PCBP3: variants seen among roughly 807,000 people sequenced by gnomAD.
PCBP3 encodes the protein poly(rC)-binding protein 3.
In PCBP3, 25 loss-of-function variants were observed where a neutral mutation model predicts 52.7. That is an observed-to-expected ratio of 0.47 (90% CI 0.35 to 0.66). PCBP3 has a LOEUF of 0.66. PCBP3 is among the 30% of genes least tolerant of loss of function. PCBP3 has a pLI of 0.01. For missense variants in PCBP3, 391 were observed against 490.3 expected (o/e 0.80, Z 1.91); for synonymous variants, 162 against 183.0 (o/e 0.89, Z 0.93).
At chr21:45,906,398 C>T (rs1039957862) in intron 9 of PCBP3, among the ~76,000 whole-genome samples, 4 of 139,872 alleles carry the variant, frequency 2.9e-5, no homozygotes, top group African/African-American at 7.8e-5. Context: ...GGGTAGGAGC[C>T]GTAGGGGTGG....
intron 4 of PCBP3, among the ~76,000 whole-genome samples, chr21:45,810,150 G>A (rs1376468074): frequency 6.6e-6 from 1 of 151,936 alleles, no homozygotes; most frequent in Non-Finnish European, 1.5e-5. Flanking sequence ...ATTACATATT[G>A]CCAGATTTTG....
At chr21:45,808,922 A>G (rs1350121519) in intron 4 of PCBP3, among the ~76,000 whole-genome samples, 2 of 152,192 alleles carry the variant, frequency 1.3e-5, no homozygotes, top group African/African-American at 4.8e-5. Flanking sequence ...CATCATTCTC[A>G]GCAAACTAAC....
At chr21:45,822,991 CG>C (rs537157177) in intron 4 of PCBP3, among the ~76,000 whole-genome samples, 1 of 151,966 alleles carries the variant, frequency 6.6e-6, no homozygotes, top group South Asian at 2.1e-4. Context: ...TGGGCCCTAG[CG>C]GGGGGTAAGG....
At chr21:45,877,796 A>G (rs1341854053) in intron 5 of PCBP3, among the ~76,000 whole-genome samples, 1 of 109,770 alleles carries the variant, frequency 9.1e-6, no homozygotes, top group African/African-American at 3.1e-5. Context: ...ACTCCGTCTT[A>G]AAAAAAAAAA....
intron 2 of PCBP3, among the ~76,000 whole-genome samples, chr21:45,695,124 C>T (rs1569125188): frequency 6.6e-6 from 1 of 152,154 alleles, no homozygotes; most frequent in Admixed American, 6.5e-5. Context: ...ATAGAAGAGT[C>T]AAGAAACAGA....
intron 4 of PCBP3, chr21:45,760,363 C>G (rs1171798333): frequency 6.6e-6 from 1 of 152,118 alleles, no homozygotes; most frequent in African/African-American, 2.4e-5. Flanking sequence ...TCTAAAGGAC[C>G]TATTTCAGGA....
chr21:45,698,810 G>T (rs1377547395), intron 2 of PCBP3, among the ~76,000 whole-genome samples: 1 of 152,194 alleles, frequency 6.6e-6, no homozygotes, highest in Admixed American at 6.5e-5. Flanking sequence ...TCATTTTGAT[G>T]CAACCTGAGT....
At chr21:45,695,272 C>G (rs901301338) in intron 2 of PCBP3, among the ~76,000 whole-genome samples, 7 of 152,194 alleles carry the variant, frequency 4.6e-5, no homozygotes, top group Non-Finnish European at 7.3e-5. Flanking sequence ...TAGTGGTGGG[C>G]TTGTCAGCAG....
intron 4 of PCBP3, among the ~76,000 whole-genome samples, chr21:45,818,476 C>A (rs944267599): frequency 1.3e-5 from 2 of 152,176 alleles, no homozygotes; most frequent in Non-Finnish European, 2.9e-5. Flanking sequence ...TCACTCCTCC[C>A]GTCCCTGAAG....
At chr21:45,811,930 C>G (rs978389370) in intron 4 of PCBP3, among the ~76,000 whole-genome samples, 1 of 152,136 alleles carries the variant, frequency 6.6e-6, no homozygotes, top group African/African-American at 2.4e-5. Flanking sequence ...TCTTTTATAG[C>G]TTTTCCTTTT....
intron 5 of PCBP3, chr21:45,893,721 G>A (rs1018645114): frequency 1.0e-6 from 1 of 984,568 alleles, no homozygotes; most frequent in African/African-American, 1.7e-5. Flanking sequence ...GCACTGGACG[G>A]GACAGAGGGA....
chr21:45,907,598 A>G (rs2096242256), intron 9 of PCBP3, among the ~76,000 whole-genome samples: 1 of 152,194 alleles, frequency 6.6e-6, no homozygotes, highest in Non-Finnish European at 1.5e-5. Flanking sequence ...TTGTTGACAG[A>G]GTTCAGGTAA....
intron 4 of PCBP3, among the ~76,000 whole-genome samples, chr21:45,816,135 G>C (rs1410271323): frequency 6.8e-6 from 1 of 147,672 alleles, no homozygotes; most frequent in Non-Finnish European, 1.5e-5. Flanking sequence ...GGTGAGTGGT[G>C]GGTGAGTGAG....
intron 5 of PCBP3, among the ~76,000 whole-genome samples, chr21:45,855,989 G>A (rs1483847125): frequency 2.6e-5 from 4 of 152,150 alleles, no homozygotes; most frequent in African/African-American, 9.7e-5. Context: ...TCTGACTGTG[G>A]CTTCACATCA....
chr21:45,898,345 GCACACCATCCT>G (rs2095890654), intron 6 of PCBP3, among the ~76,000 whole-genome samples: 1 of 26,756 alleles, frequency 3.7e-5, no homozygotes, highest in Admixed American at 4.5e-4. Flanking sequence ...GCCTCCCTCT[GCACACCATCCT>G]CATGGTCTCC....
rs1386464945 is a variant in PCBP3 at position 45,827,613 on chromosome 21, G to A, written c.-125-22348G>A. Among the ~76,000 whole-genome samples, 1 of 152,202 alleles carries A rather than the reference G, an allele frequency of 6.6e-6. No individual in the cohort carries two copies. Among genetic ancestry groups the A allele is most frequent in the Non-Finnish European group, 1.5e-5 (1 of 68,038 alleles). On this transcript the variant is annotated intron_variant, in intron 4 of 17. Coordinates refer to ENST00000681687, the MANE Select transcript of PCBP3 (RefSeq NM_001384156.1). The surrounding 1 kb of genome is among the most constrained non-coding windows in gnomAD (Gnocchi z 4.3). ...CCAAGTCGAGGTTTCAGAACTGAAA[G>A]TACAGCCACCAGAATTTAGAAATTC...
rs367569719 is a variant in PCBP3 at position 45,783,911 on chromosome 21, C to A, written c.-126+28459C>A. ...GCCGTGAGCAGGACTTTCACACACA[C>A]AAAGCACGGAATTCAGTGAGCATAG... On this transcript the variant is annotated intron_variant, in intron 4 of 17. Coordinates refer to ENST00000681687, the MANE Select transcript of PCBP3 (RefSeq NM_001384156.1). Among the ~76,000 whole-genome samples the A allele has an allele frequency of 9.9e-5, 15 of 152,278 alleles. No homozygotes were observed. The East Asian group carries it at 2.3e-3, about 24-fold the overall frequency.
chr21:45,866,262 G>T (rs1275716658), intron 5 of PCBP3, among the ~76,000 whole-genome samples: 1 of 152,228 alleles, frequency 6.6e-6, no homozygotes, highest in African/African-American at 2.4e-5. Flanking sequence ...AGGGCCAGGG[G>T]CACAGCCTGT....
At chr21:45,882,559 G>A (rs2148804419) in intron 5 of PCBP3, among the ~76,000 whole-genome samples, 1 of 151,836 alleles carries the variant, frequency 6.6e-6, no homozygotes, top group African/African-American at 2.4e-5. Context: ...TGCTTTTGTT[G>A]CCTGTACTTT....
Sources: allele counts gnomAD v4.1 joint callset (sites outside exome capture counted in the v4.1 genomes callset), GRCh38; gene constraint gnomAD v4.1.1; non-coding constraint Gnocchi (gnomAD v3.1); transcripts MANE v1.5; gene names NCBI Gene and HGNC (gene_info 2026-07-23, HGNC 2026-07-21).